The following MAOB variants were observed in gnomAD, a reference collection of about 807,000 sequenced individuals.
MAOB encodes monoamine oxidase B, also known as amine oxidase [flavin-containing] B.
Under a neutral mutation model 41.9 loss-of-function variants are expected in MAOB, and 15 were observed. The observed-to-expected ratio is 0.36, with a 90% CI of 0.24 to 0.55. The LOEUF is 0.55. MAOB is among the 20% of genes least tolerant of loss of function. The pLI, the probability that MAOB is intolerant of heterozygous loss-of-function variation, is 0.86. For synonymous variants in MAOB, 167 were observed against 144.2 expected (o/e 1.16, Z -1.13); for missense variants, 345 against 398.7 (o/e 0.87, Z 1.15).
chrX:43,871,676 T>C (rs1051820249), intron 1 of MAOB, among the ~76,000 whole-genome samples: 1 of 107,699 alleles, frequency 9.3e-6, no homozygotes, highest in African/African-American at 3.4e-5. Context: ...TAAGGGTTTA[T>C]TGAATGACTG....
intron 8 of MAOB, among the ~76,000 whole-genome samples, chrX:43,789,399 A>T (rs1388167674): frequency 3.6e-5 from 4 of 112,528 alleles, no homozygotes; most frequent in Non-Finnish European, 5.6e-5. Context: ...TATGGTCATT[A>T]TATTTATTTC....
chrX:43,777,514 T>G (rs953073473), intron 11 of MAOB, among the ~76,000 whole-genome samples: 3 of 111,934 alleles, frequency 2.7e-5, no homozygotes, highest in African/African-American at 9.7e-5. Flanking sequence ...ACAGAAGATC[T>G]GCAATGGTGG....
intron 1 of MAOB, among the ~76,000 whole-genome samples, chrX:43,875,676 A>T (rs890805468): frequency 9.0e-6 from 1 of 111,690 alleles, no homozygotes; most frequent in African/African-American, 3.3e-5. Flanking sequence ...TCACTTTTGC[A>T]CCCTTCAAGG....
At chrX:43,794,085 C>T (rs916663429) in intron 7 of MAOB, among the ~76,000 whole-genome samples, 9 of 111,626 alleles carry the variant, frequency 8.1e-5, no homozygotes, top group African/African-American at 2.9e-4. Context: ...CCATGTTGGC[C>T]AGGGTTGTCT....
At chrX:43,856,948 C>T (rs982049300) in intron 1 of MAOB, among the ~76,000 whole-genome samples, 3 of 101,817 alleles carry the variant, frequency 2.9e-5, no homozygotes, top group African/African-American at 7.4e-5. Context: ...CATTTAACTA[C>T]AATTTAATTT....
intron 3 of MAOB, among the ~76,000 whole-genome samples, chrX:43,815,413 G>T (rs916465900): frequency 8.9e-6 from 1 of 111,886 alleles, no homozygotes; most frequent in African/African-American, 3.3e-5. Context: ...TGAATAATGT[G>T]CTTTTCAAAA....
chrX:43,801,927 G>A lies in MAOB; in HGVS notation c.476+245C>T, dbSNP rs770674095. 4.4e-5 allele frequency among the ~76,000 whole-genome samples: 5 copies of A among 112,766 alleles called. No homozygotes were observed. The East Asian group carries it at 1.1e-3, about 25-fold the overall frequency. ...TCAGATAAAGAAAGTGGTACCTTCTGGTCTGTTCTGAGGACTTCACAGGGT... is the reference window on the plus strand; with the variant it reads ...TCAGATAAAGAAAGTGGTACCTTCTAGTCTGTTCTGAGGACTTCACAGGGT... On this transcript the variant is annotated intron_variant, in intron 5 of 14. Transcript: ENST00000378069.
intron 1 of MAOB, among the ~76,000 whole-genome samples, chrX:43,852,344 G>A (rs780611083): frequency 2.7e-5 from 3 of 112,155 alleles, no homozygotes; most frequent in Non-Finnish European, 3.8e-5. Context: ...GTTCATATAC[G>A]ATAAGGAAAT....
intron 1 of MAOB, among the ~76,000 whole-genome samples, chrX:43,877,369 C>T (rs182515098): frequency 7.3e-5 from 8 of 110,245 alleles, no homozygotes; most frequent in Non-Finnish European, 1.1e-4. Context: ...AATTGTGACT[C>T]TAGTGGCAAC....
chrX:43,876,847 C>T (rs1361916552), intron 1 of MAOB, among the ~76,000 whole-genome samples: 6 of 111,371 alleles, frequency 5.4e-5, no homozygotes, highest in Admixed American at 2.9e-4. Context: ...TGCATGCACG[C>T]GTGTGTGTGT....
At chrX:43,803,537 C>T in intron 3 of MAOB, 133 bp from the exon 4 acceptor site, 1 of 891,564 alleles carries the variant, frequency 1.1e-6, no homozygotes, top group South Asian at 3.7e-5. Context: ...AACTTTTTAG[C>T]TCCTTGTGTC....
In MAOB at chrX:43,793,515, G is replaced by A. The variant is rs773570247; in HGVS notation, c.832C>T (p.Leu278=). ...LGMKIHFNPP[L]PMMRNQMITR... The stretch of plus-strand genomic sequence containing the variant: ...ATCATCTGGTTTCTCATCATTGGCA[G>A]AGGGGGATTGAAGTGAATCTTCATG... Residue 278 remains leucine (L), a synonymous_variant, in exon 8 of 15, where the codon CTG becomes TTG. Transcript: ENST00000378069. The A allele has an allele frequency of 8.3e-7, 1 of 1,201,498 alleles. No individual in the cohort carries two copies.
chrX:43,785,918 C>T (rs921040050), intron 8 of MAOB, among the ~76,000 whole-genome samples: 13 of 111,840 alleles, frequency 1.2e-4, no homozygotes, highest in African/African-American at 4.2e-4. Flanking sequence ...ATCACCATGA[C>T]AAACATAATA....
chrX:43,827,601 G>A (rs892766786), intron 3 of MAOB, among the ~76,000 whole-genome samples: 4 of 111,823 alleles, frequency 3.6e-5, no homozygotes, highest in East Asian at 2.8e-4. Flanking sequence ...GGTCAAAGCC[G>A]TGACAGAGTC....
Position 43,882,419 on chromosome X carries a change from C to T in MAOB, c.-120G>A, listed in dbSNP as rs1041855747. 2.5e-5 allele frequency: 26 copies of T among 1,042,711 alleles called. No homozygotes were observed. Among genetic ancestry groups the T allele is most frequent in the Admixed American group, 1.6e-4 (4 of 25,079 alleles). 85.9% of individuals were successfully genotyped at this position (1,042,711 alleles called of 1,213,427 possible). On this transcript the variant is annotated 5_prime_UTR_variant, in exon 1 of 15. Transcript: ENST00000378069. ...CCGCCGGCCTGCTGCGCGCTGCCCC[C>T]GTGCACCAGCGCCTCGGCGAGCCGC...
intron 3 of MAOB, among the ~76,000 whole-genome samples, chrX:43,815,439 T>C (rs1195281772): frequency 8.9e-6 from 1 of 111,912 alleles, no homozygotes; most frequent in Non-Finnish European, 1.9e-5. Context: ...GACGACTATC[T>C]ACCAGTGTCA....
At chrX:43,781,344 G>T in intron 9 of MAOB, 104 bp downstream of exon 9, 1 of 385,633 alleles carries the variant, frequency 2.6e-6, no homozygotes, top group Non-Finnish European at 4.2e-6. Context: ...ATACCACTGG[G>T]TAAAAAAAAA....
chrX:43,872,563 A>T (rs2035415103), intron 1 of MAOB, among the ~76,000 whole-genome samples: 1 of 112,380 alleles, frequency 8.9e-6, no homozygotes, highest in East Asian at 2.8e-4. Flanking sequence ...AACAATCAGA[A>T]TTATGTACAA....
chrX:43,807,989 G>T (rs551203087), intron 3 of MAOB, among the ~76,000 whole-genome samples: 2 of 111,421 alleles, frequency 1.8e-5, no homozygotes, highest in African/African-American at 6.5e-5. Context: ...ACCCACTATG[G>T]TCTCTGCAGA....
Sources: allele counts gnomAD v4.1 joint callset (sites outside exome capture counted in the v4.1 genomes callset), GRCh38; gene constraint gnomAD v4.1.1; transcripts MANE v1.5; gene names NCBI Gene and HGNC (gene_info 2026-07-23, HGNC 2026-07-21).